ANKS1B: variants seen among roughly 807,000 people sequenced by gnomAD.
ANKS1B encodes the protein ankyrin repeat and sterile alpha motif domain-containing protein 1B.
Under a neutral mutation model 148.3 loss-of-function variants are expected in ANKS1B, and 36 were observed. The observed-to-expected ratio is 0.24, with a 90% CI of 0.19 to 0.32. The LOEUF is 0.32. Among genes scored for constraint, ANKS1B ranks in the 10% least tolerant of loss-of-function variants. ANKS1B has a pLI of 1.00. For synonymous variants in ANKS1B, 542 were observed against 560.8 expected (o/e 0.97, Z 0.47); for missense variants, 1,157 against 1,542.6 (o/e 0.75, Z 4.19).
At chr12:98,843,914 G>C (rs972265092) in intron 17 of ANKS1B, among the ~76,000 whole-genome samples, 5 of 152,186 alleles carry the variant, frequency 3.3e-5, no homozygotes, top group Non-Finnish European at 7.4e-5. Context: ...AGTAATTGCT[G>C]AATCAGTTTT....
chr12:98,948,946 A>ATTTTTTTTTTTT (rs1567958669), intron 17 of ANKS1B, among the ~76,000 whole-genome samples: 6 of 89,176 alleles, frequency 6.7e-5, no homozygotes, highest in African/African-American at 4.1e-4. Context: ...AGCATGAGCT[A>ATTTTTTTTTTTT]CTTTTTTTTT....
At chr12:99,403,943 A>G (rs564097933) in intron 11 of ANKS1B, among the ~76,000 whole-genome samples, 2 of 146,524 alleles carry the variant, frequency 1.4e-5, no homozygotes, top group Admixed American at 1.4e-4. Context: ...TCAGTGATAG[A>G]CTGGATAAAG....
intron 1 of ANKS1B, among the ~76,000 whole-genome samples, chr12:99,957,892 T>C (rs1214905384): frequency 6.6e-6 from 1 of 152,234 alleles, no homozygotes; most frequent in Non-Finnish European, 1.5e-5. Flanking sequence ...GTATATGTTC[T>C]AGGCATAAAA....
chr12:99,244,344 G>A lies in ANKS1B; in HGVS notation c.2417C>T (p.Thr806Ile), dbSNP rs762621439. 1 of 1,601,988 alleles carries A rather than the reference G, an allele frequency of 6.2e-7. No individual in the cohort carries two copies. Among genetic ancestry groups the A allele is most frequent in the South Asian group, 1.1e-5 (1 of 89,372 alleles). ...AATGTAGAGGAAGGTTGCCTTACTTGTGGTCTCACCATTCATCTCTTTAAG... is the reference window on the plus strand; with the variant it reads ...AATGTAGAGGAAGGTTGCCTTACTTATGGTCTCACCATTCATCTCTTTAAG... Reference protein sequence around the residue: ...NELKEMNGETTRPRCPVQTVG... With the variant: ...NELKEMNGETIRPRCPVQTVG... The change falls in exon 14 of 27, where the codon ACA becomes ATA. Residue 806 changes from threonine (T) to isoleucine (I), a missense_variant and splice_region_variant. By Grantham distance (89) the Thr-to-Ile change is moderately conservative. Transcript: ENST00000683438.
At chr12:99,299,219 C>G (rs910982195) in intron 12 of ANKS1B, among the ~76,000 whole-genome samples, 7 of 152,186 alleles carry the variant, frequency 4.6e-5, no homozygotes, top group Middle Eastern at 3.4e-3. Context: ...CGCTACCATG[C>G]CTGGCTAAGT....
chr12:98,894,548 C>A lies in ANKS1B; in HGVS notation c.2779-62412G>T, dbSNP rs1379344986. On this transcript the variant is annotated intron_variant, in intron 17 of 26. Coordinates refer to ENST00000683438, the MANE Select transcript of ANKS1B (RefSeq NM_001352186.2). ...CCGACTCGGCTTCCTCCGCCTCTGCCCCGGCTGCGGCACCACTTCTTGGAG... is the reference window on the plus strand; with the variant it reads ...CCGACTCGGCTTCCTCCGCCTCTGCACCGGCTGCGGCACCACTTCTTGGAG... The A allele has an allele frequency of 4.1e-6, 4 of 983,474 alleles. No individual in the cohort carries two copies. The African/African-American group carries it at 5.2e-5, about 13-fold the overall frequency. The allele number at this position is 983,474 out of a possible 1,614,324, so 60.9% of individuals were successfully genotyped here.
At chr12:99,467,737 A>G (rs962999370) in intron 10 of ANKS1B, among the ~76,000 whole-genome samples, 239 of 152,294 alleles carry the variant, frequency 1.6e-3, no homozygotes, top group African/African-American at 5.1e-3. Flanking sequence ...TATAAGGGAC[A>G]TGAAGGACCT....
intron 2 of ANKS1B, among the ~76,000 whole-genome samples, chr12:99,816,842 T>C (rs939964622): frequency 6.6e-6 from 1 of 151,728 alleles, no homozygotes; most frequent in African/African-American, 2.4e-5. Context: ...ATTTCATATA[T>C]AATATCTAAA....
At chr12:98,954,846 G>A (rs540831160) in intron 17 of ANKS1B, among the ~76,000 whole-genome samples, 15 of 152,220 alleles carry the variant, frequency 9.9e-5, no homozygotes, top group Admixed American at 4.6e-4. Flanking sequence ...TAAAAGAGGG[G>A]CAAGGACATA....
chr12:99,346,043 A>C (rs2090624117), intron 12 of ANKS1B, among the ~76,000 whole-genome samples: 1 of 151,906 alleles, frequency 6.6e-6, no homozygotes, highest in African/African-American at 2.4e-5. Context: ...AATTTGGAGA[A>C]CATTTTTTTT....
intron 12 of ANKS1B, among the ~76,000 whole-genome samples, chr12:99,295,874 CTG>C (rs1476628770): frequency 2.6e-5 from 4 of 152,154 alleles, no homozygotes; most frequent in African/African-American, 9.7e-5. Flanking sequence ...TTTTCTGTTC[CTG>C]TGTTAGTTTG....
chr12:99,513,159 T>G (rs1034695442), intron 9 of ANKS1B, among the ~76,000 whole-genome samples: 6 of 151,942 alleles, frequency 3.9e-5, no homozygotes, highest in African/African-American at 1.4e-4. Context: ...CAGCAAAAAA[T>G]TATGACTCAC....
chr12:99,629,040 A>G (rs1730261599), intron 9 of ANKS1B, among the ~76,000 whole-genome samples: 1 of 152,164 alleles, frequency 6.6e-6, no homozygotes, highest in African/African-American at 2.4e-5. Flanking sequence ...TGCTTTTATG[A>G]GATCTTATTG....
In ANKS1B at chr12:99,396,908, A is replaced by G. The variant is rs190744887; in HGVS notation, c.1756+2723T>C. ...AAGAAAGGCATTCTGAAAGGCAAGT[A>G]TCAAAGCATCTGTCATTGCCCCATT... On this transcript the variant is annotated intron_variant, in intron 12 of 26. Coordinates refer to ENST00000683438, the MANE Select transcript of ANKS1B (RefSeq NM_001352186.2). Among the ~76,000 whole-genome samples the G allele has an allele frequency of 8.5e-5, 13 of 152,294 alleles. No individual in the cohort carries two copies. In the South Asian group the frequency reaches 2.1e-3, roughly 24 times the overall value.
At chr12:99,632,658 C>T (rs2098173350) in intron 9 of ANKS1B, among the ~76,000 whole-genome samples, 1 of 142,296 alleles carries the variant, frequency 7.0e-6, no homozygotes, top group African/African-American at 2.6e-5. Context: ...TTAATGTCTG[C>T]CCTCTTGGGT....
intron 14 of ANKS1B, among the ~76,000 whole-genome samples, chr12:99,223,793 C>A (rs1390580792): frequency 1.3e-5 from 2 of 152,178 alleles, no homozygotes. Context: ...TATGCCCAAC[C>A]AGCCAGCTGT....
intron 17 of ANKS1B, among the ~76,000 whole-genome samples, chr12:98,899,892 T>A (rs2099769787): frequency 6.6e-6 from 1 of 152,198 alleles, no homozygotes; most frequent in Non-Finnish European, 1.5e-5. Context: ...GTCTGAGAGC[T>A]CTGAAATAGA....
At position 99,409,222 on chromosome 12, in the gene ANKS1B, T is replaced by C. The variant is rs1472152556; in HGVS notation, c.1576-9411A>G. On this transcript the variant is annotated intron_variant, in intron 11 of 26. Transcript: ENST00000683438. ...ACAACATGGATGGAACTGGAAGTCA[T>C]TACGTTAAGTGAAATAAGCCAGGCA... Among the ~76,000 whole-genome samples the C allele has an allele frequency of 2.0e-5, 3 of 152,302 alleles. No individual in the cohort carries two copies. The East Asian group carries it at 5.8e-4, about 29-fold the overall frequency.
Position 99,925,024 on chromosome 12 carries a change from T to C in ANKS1B, c.134+59080A>G, listed in dbSNP as rs117667887. On this transcript the variant is annotated intron_variant, in intron 1 of 26. Transcript: ENST00000683438. Reference sequence around the variant, plus strand: ...ACACAGAATTTTTCTGTTTTGTTCATAGTTGTATCCCCAGCACCTAGAATA... The same window carrying C: ...ACACAGAATTTTTCTGTTTTGTTCACAGTTGTATCCCCAGCACCTAGAATA... Among the ~76,000 whole-genome samples, 223 of 152,250 alleles carry C rather than the reference T, an allele frequency of 1.5e-3. 8 individuals carry two copies. In the East Asian group the frequency reaches 0.035, roughly 24 times the overall value.
Sources: gnomAD v4.1 joint callset for allele counts (sites outside exome capture counted in the v4.1 genomes callset) on GRCh38, gnomAD v4.1.1 for gene constraint, MANE v1.5 for transcripts, NCBI Gene and HGNC (gene_info 2026-07-23, HGNC 2026-07-21) for gene names.